Variants in NKAIN3 observed in about 807,000 individuals in gnomAD.
NKAIN3 encodes the protein sodium/potassium-transporting ATPase subunit beta-1-interacting protein 3.
In NKAIN3, 25 loss-of-function variants were observed where a neutral mutation model predicts 30.2. The observed-to-expected ratio is 0.83, with a 90% CI of 0.60 to 1.16. NKAIN3 has a LOEUF of 1.16. Ranked by LOEUF, NKAIN3 falls within the 50% of genes most tolerant of loss-of-function variation. The probability of loss-of-function intolerance (pLI) is 0.00; values close to 1 mark genes in which losing one functional copy is unlikely to be tolerated. For missense variants in NKAIN3, 225 were observed against 254.1 expected (o/e 0.89, Z 0.78); for synonymous variants, 91 against 89.6 (o/e 1.02, Z -0.09).
intron 4 of NKAIN3, among the ~76,000 whole-genome samples, chr8:62,778,397 G>A (rs770048817): frequency 2.6e-5 from 4 of 152,094 alleles, no homozygotes; most frequent in Admixed American, 6.6e-5. Flanking sequence ...CGGCAGCTGA[G>A]CTGGCACTGA....
At position 62,249,055 on chromosome 8, in the gene NKAIN3, C is replaced by A; in HGVS notation, c.-19C>A. 2 of 1,533,742 alleles carry A rather than the reference C, an allele frequency of 1.3e-6. No individual in the cohort carries two copies. The highest frequency in any genetic ancestry group is 1.8e-6 in the Non-Finnish European group (2 of 1,142,596). The stretch of plus-strand genomic sequence containing the variant: ...CGAGGATCTCTGGCAGTCAGCGCCG[C>A]TCGGACGCCGCCGGCACCATGGGCT... On this transcript the variant is annotated 5_prime_UTR_variant, in exon 1 of 7. Coordinates refer to ENST00000623646, the MANE Select transcript of NKAIN3 (RefSeq NM_001304533.3).
chr8:62,947,890 T>C (rs1823170278), intron 5 of NKAIN3, among the ~76,000 whole-genome samples: 1 of 152,196 alleles, frequency 6.6e-6, no homozygotes, highest in Admixed American at 6.5e-5. Context: ...CCAGCTAACA[T>C]TGCATGGAGC....
At chr8:62,795,579 T>C (rs1464496909) in intron 4 of NKAIN3, among the ~76,000 whole-genome samples, 3 of 152,054 alleles carry the variant, frequency 2.0e-5, no homozygotes, top group African/African-American at 7.3e-5. Flanking sequence ...CTTCTCAATG[T>C]CTTCATTTTG....
At chr8:62,948,157 A>G (rs1307846275) in intron 5 of NKAIN3, among the ~76,000 whole-genome samples, 3 of 152,136 alleles carry the variant, frequency 2.0e-5, no homozygotes, top group Admixed American at 1.3e-4. Flanking sequence ...AAGAGGATGA[A>G]AGAGAGAGTT....
intron 4 of NKAIN3, among the ~76,000 whole-genome samples, chr8:62,818,277 A>G (rs1378027100): frequency 6.6e-6 from 1 of 152,184 alleles, no homozygotes; most frequent in Non-Finnish European, 1.5e-5. Context: ...TCAATGTACT[A>G]TGTTTGCAAC....
intron 1 of NKAIN3, among the ~76,000 whole-genome samples, chr8:62,501,746 T>C (rs960676040): frequency 6.6e-6 from 1 of 152,188 alleles, no homozygotes; most frequent in Non-Finnish European, 1.5e-5. Context: ...TGAAATCCAT[T>C]TTTGTAGCAA....
intron 3 of NKAIN3, among the ~76,000 whole-genome samples, chr8:62,642,070 A>G (rs1812325516): frequency 6.6e-6 from 1 of 152,018 alleles, no homozygotes; most frequent in African/African-American, 2.4e-5. Flanking sequence ...CCTGGGAAAA[A>G]TGCTTTTTAA....
chr8:62,959,177 C>T (rs557929134), intron 6 of NKAIN3, among the ~76,000 whole-genome samples: 19 of 152,236 alleles, frequency 1.2e-4, no homozygotes, highest in African/African-American at 4.1e-4. Flanking sequence ...CAGCCAAGGC[C>T]AATCCCTATT....
intron 1 of NKAIN3, among the ~76,000 whole-genome samples, chr8:62,357,070 C>A (rs1350728951): frequency 6.6e-6 from 1 of 152,094 alleles, no homozygotes; most frequent in Non-Finnish European, 1.5e-5. Flanking sequence ...CCACTATACT[C>A]CAGCCTGGGC....
chr8:62,997,029 AG>A (rs1414212314), intron 5 of NKAIN3, among the ~76,000 whole-genome samples: 1 of 152,180 alleles, frequency 6.6e-6, no homozygotes, highest in African/African-American at 2.4e-5. Context: ...CAGTTCCACT[AG>A]GTAGTGCCCC....
intron 1 of NKAIN3, among the ~76,000 whole-genome samples, chr8:62,330,387 G>C (rs1026556675): frequency 6.6e-6 from 1 of 152,160 alleles, no homozygotes; most frequent in South Asian, 2.1e-4. Context: ...AACAGGAAAA[G>C]GTCCTGGGAG....
Position 62,731,554 on chromosome 8 carries a change from G to T in NKAIN3, c.274-15378G>T, listed in dbSNP as rs180860242. ...ACAAAGCCAATGTGACCTCTCATCA[G>T]CTCCTGTAGTGATTGGCTGCTGATG... is the stretch of plus-strand genomic sequence containing the variant. On this transcript the variant is annotated intron_variant, in intron 3 of 6. Transcript: ENST00000623646. 3.6e-3 allele frequency among the ~76,000 whole-genome samples: 544 copies of T among 152,222 alleles called. 4 individuals carry two copies. Among genetic ancestry groups the T allele is most frequent in the African/African-American group, 0.012 (519 of 41,534 alleles).
intron 1 of NKAIN3, among the ~76,000 whole-genome samples, chr8:62,314,516 T>A (rs1466875085): frequency 6.6e-6 from 1 of 152,226 alleles, no homozygotes; most frequent in Non-Finnish European, 1.5e-5. Context: ...AGCTTGATTC[T>A]ATTGACAGGA....
At chr8:62,314,265 A>AC in intron 1 of NKAIN3, among the ~76,000 whole-genome samples, 1 of 152,240 alleles carries the variant, frequency 6.6e-6, no homozygotes, top group Admixed American at 6.5e-5. Flanking sequence ...ATTTAAAACC[A>AC]CCCCAGAAAA....
At chr8:62,662,542 A>G (rs7821718) in intron 3 of NKAIN3, among the ~76,000 whole-genome samples, 2,264 of 152,294 alleles carry the variant, frequency 0.015, 54 homozygotes, top group African/African-American at 0.051. Flanking sequence ...TAACCTTCAG[A>G]TATACATTGA....
intron 3 of NKAIN3, among the ~76,000 whole-genome samples, chr8:62,649,955 C>A (rs1177401408): frequency 6.6e-6 from 1 of 152,094 alleles, no homozygotes; most frequent in African/African-American, 2.4e-5. Flanking sequence ...AGTACTTAAT[C>A]CTGTGCCAGT....
Position 62,332,410 on chromosome 8 carries a change from A to C in NKAIN3, c.54+83283A>C, listed in dbSNP as rs538068679. Among the ~76,000 whole-genome samples the C allele has an allele frequency of 3.9e-5, 6 of 152,276 alleles. No homozygotes were observed. The South Asian group carries it at 1.2e-3, about 32-fold the overall frequency. On this transcript the variant is annotated intron_variant, in intron 1 of 6. Transcript: ENST00000623646. Reference sequence around the variant, plus strand: ...AATCTAAATTTCAAATCTTTGAATTAGTATATATTTGAAAATTTGTAATCT... The same window carrying C: ...AATCTAAATTTCAAATCTTTGAATTCGTATATATTTGAAAATTTGTAATCT...
intron 1 of NKAIN3, among the ~76,000 whole-genome samples, chr8:62,440,553 A>G (rs980808522): frequency 1.3e-5 from 2 of 152,058 alleles, no homozygotes. Context: ...TATGTCCTTC[A>G]TCTTGAAACA....
At chr8:62,252,234 T>C (rs553958902) in intron 1 of NKAIN3, among the ~76,000 whole-genome samples, 32 of 152,140 alleles carry the variant, frequency 2.1e-4, no homozygotes, top group South Asian at 6.2e-4. Flanking sequence ...TGAAAGGGGA[T>C]GGCGTTGGGA....
Sources: allele counts gnomAD v4.1 joint callset (sites outside exome capture counted in the v4.1 genomes callset), GRCh38; gene constraint gnomAD v4.1.1; transcripts MANE v1.5; gene names NCBI Gene and HGNC (gene_info 2026-07-23, HGNC 2026-07-21).